KCNK9: variants seen among roughly 807,000 people sequenced by gnomAD.
KCNK9 encodes potassium two pore domain channel subfamily K member 9, also known as potassium channel subfamily K member 9.
Under a neutral mutation model 10.8 loss-of-function variants are expected in KCNK9, and 1 was observed. The observed-to-expected ratio is 0.09, with a 90% CI of 0.03 to 0.44. KCNK9 has a LOEUF of 0.44. Among genes scored for constraint, KCNK9 ranks in the 20% least tolerant of loss-of-function variants. KCNK9 has a pLI of 0.97. For missense variants in KCNK9, 303 were observed against 515.0 expected, an observed-to-expected ratio of 0.59 and a Z score of 3.98; for synonymous variants, 231 against 222.7, an observed-to-expected ratio of 1.04 and a Z score of -0.33.
intron 1 of KCNK9, among the ~76,000 whole-genome samples, chr8:139,661,971 G>C (rs1250492908): frequency 6.6e-6 from 1 of 152,246 alleles, no homozygotes; most frequent in Non-Finnish European, 1.5e-5. Flanking sequence ...GGATCCTCAA[G>C]TGGTGGCTTG....
intron 1 of KCNK9, among the ~76,000 whole-genome samples, chr8:139,701,714 C>T (rs1399324354): frequency 6.6e-6 from 1 of 152,164 alleles, no homozygotes; most frequent in African/African-American, 2.4e-5. Context: ...ACCCTGCCTC[C>T]TGCCATGCAG....
intron 1 of KCNK9, among the ~76,000 whole-genome samples, chr8:139,679,347 A>G (rs1468423711): frequency 1.3e-5 from 2 of 152,216 alleles, no homozygotes; most frequent in Non-Finnish European, 2.9e-5. Context: ...GCACTCCCTG[A>G]GCACGGGGGT....
intron 1 of KCNK9, among the ~76,000 whole-genome samples, chr8:139,679,588 C>A (rs1563748774): frequency 6.6e-6 from 1 of 152,196 alleles, no homozygotes; most frequent in Non-Finnish European, 1.5e-5. Flanking sequence ...AAGAGCTTAG[C>A]ACGTGCCAGC....
chr8:139,669,500 A>C (rs1484123166), intron 1 of KCNK9, among the ~76,000 whole-genome samples: 1 of 152,246 alleles, frequency 6.6e-6, no homozygotes, highest in Admixed American at 6.5e-5. Flanking sequence ...CCATCTCAAG[A>C]AACCACTGTC....
intron 1 of KCNK9, among the ~76,000 whole-genome samples, chr8:139,622,507 G>T (rs950921372): frequency 6.6e-6 from 1 of 152,134 alleles, no homozygotes; most frequent in Non-Finnish European, 1.5e-5. Context: ...GCAACTAGCC[G>T]CATCTGTCAG....
rs114614875 is a variant in KCNK9, at chr8:139,623,356, A to G, written c.284-4257T>C. Reference sequence around the variant, plus strand: ...TCATTCATCTACTCATACATTACCCATTCAGATATCTCCATTGACTGTGCC... The same window carrying G: ...TCATTCATCTACTCATACATTACCCGTTCAGATATCTCCATTGACTGTGCC... On this transcript the variant is annotated intron_variant, in intron 1 of 1. Transcript: ENST00000520439. Among the ~76,000 whole-genome samples the G allele has an allele frequency of 7.2e-3, 1,098 of 152,224 alleles. 13 individuals carry two copies. Among genetic ancestry groups the G allele is most frequent in the African/African-American group, 0.026 (1,064 of 41,540 alleles).
At chr8:139,688,168 A>G (rs1263980995) in intron 1 of KCNK9, among the ~76,000 whole-genome samples, 1 of 152,186 alleles carries the variant, frequency 6.6e-6, no homozygotes, top group African/African-American at 2.4e-5. Flanking sequence ...ACAAATAAGG[A>G]TGCTGATGAT....
chr8:139,672,208 G>A (rs1816445711), intron 1 of KCNK9, among the ~76,000 whole-genome samples: 1 of 152,136 alleles, frequency 6.6e-6, no homozygotes, highest in Admixed American at 6.5e-5. Context: ...CTCTAGGACA[G>A]GACACACACC....
chr8:139,662,920 C>T (rs560447740), intron 1 of KCNK9, among the ~76,000 whole-genome samples: 26 of 151,910 alleles, frequency 1.7e-4, no homozygotes, highest in South Asian at 6.3e-4. Flanking sequence ...CTTCCTGACG[C>T]TGCAGAGGGT....
At chr8:139,607,995 A>T (rs927095118), downstream of KCNK9, among the ~76,000 whole-genome samples, 4 of 152,196 alleles carry the variant, frequency 2.6e-5, no homozygotes, top group African/African-American at 7.2e-5. Flanking sequence ...CCTGATGTCT[A>T]CACCACCCAG....
At chr8:139,654,585 C>T (rs759332342) in intron 1 of KCNK9, among the ~76,000 whole-genome samples, 23 of 152,226 alleles carry the variant, frequency 1.5e-4, no homozygotes, top group Non-Finnish European at 2.9e-4. Context: ...GCAGATTCTG[C>T]GGTAGCCCTC....
downstream of KCNK9, among the ~76,000 whole-genome samples, chr8:139,614,530 C>A (rs1814522290): frequency 6.6e-6 from 1 of 152,218 alleles, no homozygotes; most frequent in Non-Finnish European, 1.5e-5. Context: ...TAGAGCCAGG[C>A]AGCTCGCTGT....
downstream of KCNK9, among the ~76,000 whole-genome samples, chr8:139,610,752 T>C (rs1814398279): frequency 6.6e-6 from 1 of 152,162 alleles, no homozygotes; most frequent in Non-Finnish European, 1.5e-5. Flanking sequence ...TGCAGGACCT[T>C]AACATAAACG....
At chr8:139,629,758 A>T (rs574272405) in intron 1 of KCNK9, among the ~76,000 whole-genome samples, 1 of 152,270 alleles carries the variant, frequency 6.6e-6, no homozygotes, top group South Asian at 2.1e-4. Flanking sequence ...CAGATGGTGC[A>T]GAGAGAGACA....
At chr8:139,677,240 G>C (rs746210050) in intron 1 of KCNK9, among the ~76,000 whole-genome samples, 4 of 152,128 alleles carry the variant, frequency 2.6e-5, no homozygotes, top group African/African-American at 4.8e-5. Flanking sequence ...CTGGGTGTTA[G>C]ATGCTTCTCC....
At chr8:139,683,748 T>C (rs540759135) in intron 1 of KCNK9, among the ~76,000 whole-genome samples, 3 of 152,348 alleles carry the variant, frequency 2.0e-5, no homozygotes, top group Admixed American at 1.3e-4. Context: ...AGAAGGTCCA[T>C]TACTTTCCAG....
At chr8:139,610,245 A>G (rs529007929), downstream of KCNK9, among the ~76,000 whole-genome samples, 30 of 152,144 alleles carry the variant, frequency 2.0e-4, no homozygotes, top group Non-Finnish European at 3.8e-4. Context: ...CCCTCAGAGG[A>G]CCCTGTGCTG....
chr8:139,701,240 C>T (rs533805669), intron 1 of KCNK9, among the ~76,000 whole-genome samples: 1 of 152,228 alleles, frequency 6.6e-6, no homozygotes, highest in South Asian at 2.1e-4. Flanking sequence ...GGGTGCTGGG[C>T]AAAGGGCGTG....
chr8:139,651,042 C>G (rs1226638938), intron 1 of KCNK9, among the ~76,000 whole-genome samples: 1 of 152,144 alleles, frequency 6.6e-6, no homozygotes, highest in East Asian at 1.9e-4. Flanking sequence ...AGCCCACCCC[C>G]TTCTGCTTCT....
Sources: gnomAD v4.1 joint callset for allele counts (sites outside exome capture counted in the v4.1 genomes callset) on GRCh38, gnomAD v4.1.1 for gene constraint, MANE v1.5 for transcripts, NCBI Gene and HGNC (gene_info 2026-07-23, HGNC 2026-07-21) for gene names.